The following UPF1 variants were observed in gnomAD, a reference collection of about 807,000 sequenced individuals.
UPF1 encodes UPF1 RNA helicase and ATPase.
Under a neutral mutation model 129.2 loss-of-function variants are expected in UPF1, and 9 were observed. The observed-to-expected ratio is 0.07, with a 90% CI of 0.04 to 0.12. UPF1 has a LOEUF of 0.12. Among genes scored for constraint, UPF1 ranks in the 10% least tolerant of loss-of-function variants. UPF1 has a pLI of 1.00. For missense variants in UPF1, 788 were observed against 1,525.3 expected, an observed-to-expected ratio of 0.52 and a Z score of 8.05; for synonymous variants, 649 against 644.9, an observed-to-expected ratio of 1.01 and a Z score of -0.10.
chr19:18,833,468 G>T (rs2055450567), intron 1 of UPF1, among the ~76,000 whole-genome samples: 1 of 152,042 alleles, frequency 6.6e-6, no homozygotes, highest in South Asian at 2.1e-4. Context: ...GTTTAGAGAA[G>T]GTTACTTAGG....
Position 18,853,234 on chromosome 19 carries a change from TCA to T in UPF1, c.1058-16_1058-15del, listed in dbSNP as rs769660767. On this transcript the variant is annotated splice_polypyrimidine_tract_variant and intron_variant, in intron 7 of 23. Transcript: ENST00000262803. The surrounding 1 kb of genome is among the most constrained non-coding windows in gnomAD (Gnocchi z 4.4). ...GCGTGGGTTAAAATGGCCACCTCTC[TCA>T]CTTTTTTACCTCAAGACATGCGGCT... 2.2e-5 allele frequency: 35 copies of T among 1,605,656 alleles called. No homozygotes were observed. The highest frequency in any genetic ancestry group is 2.8e-5 in the Non-Finnish European group (33 of 1,174,884).
chr19:18,859,423 C>A (rs1030738822), intron 15 of UPF1: 1 of 152,252 alleles, frequency 6.6e-6, no homozygotes, highest in Admixed American at 6.5e-5. Context: ...CCAGAACCAC[C>A]TGACCAGCTG....
At chr19:18,864,742 T>TTG (rs1555701078) in intron 20 of UPF1, among the ~76,000 whole-genome samples, 5 of 140,112 alleles carry the variant, frequency 3.6e-5, no homozygotes, top group South Asian at 2.4e-4. Flanking sequence ...TGTTTTTTTT[T>TTG]TTTTTTTTTT....
chr19:18,852,070 C>T (rs542770934), intron 5 of UPF1, 65 bp from the exon 6 acceptor site: 22 of 1,496,440 alleles, frequency 1.5e-5, no homozygotes, highest in East Asian at 1.3e-4. Context: ...GGTGCCTCTG[C>T]GCCCTCGTTC....
At position 18,832,540 on chromosome 19, in the gene UPF1, C is replaced by G. The variant is rs1442755759; in HGVS notation, c.231+100C>G. 1 of 891,278 alleles carries G rather than the reference C, an allele frequency of 1.1e-6. No individual in the cohort carries two copies. The highest frequency in any genetic ancestry group is 1.8e-5 in the African/African-American group (1 of 55,456). 55.2% of individuals were successfully genotyped at this position (891,278 alleles called of 1,614,324 possible). On this transcript the variant is annotated intron_variant, in intron 1 of 23. Transcript: ENST00000262803. This position sits in a 1 kb window ranked among gnomAD's most constrained non-coding sequence, Gnocchi z 5.6. ...GCCCGGCCTGTGTTTGGCCGGAGTC[C>G]CCCATCGCGGCCGGGCCTGGGGCGA... is the stretch of plus-strand genomic sequence containing the variant.
chr19:18,867,330 C>G lies in UPF1; in HGVS notation c.*813C>G, dbSNP rs2055863237. 6.6e-6 allele frequency: 1 copy of G among 152,278 alleles called. No individual in the cohort carries two copies. The highest frequency in any genetic ancestry group is 1.5e-5 in the Non-Finnish European group (1 of 68,054). The allele number at this position is 152,278 out of a possible 1,614,324, so 9.4% of individuals were successfully genotyped here. A position where few individuals can be genotyped will look rare whatever the true frequency, so the allele number is the denominator to read the frequency against. ...GCCGAGCCTGGAAGCTGCTCGTTCT[C>G]CGCTGGACTCAGAAGCCAAGCTGCT... On this transcript the variant is annotated 3_prime_UTR_variant, in exon 24 of 24. Transcript: ENST00000262803.
chr19:18,847,978 A>T, intron 3 of UPF1, 145 bp downstream of exon 3: 1 of 736,798 alleles, frequency 1.4e-6, no homozygotes, highest in South Asian at 1.7e-5. Context: ...GTTTAACTTG[A>T]AACAGATGGT....
In UPF1 at chr19:18,853,171, G is replaced by C. The variant is rs1162995323; in HGVS notation, c.1058-81G>C. 11 of 1,595,386 alleles carry C rather than the reference G, an allele frequency of 6.9e-6. No homozygotes were observed. Among genetic ancestry groups the C allele is most frequent in the Non-Finnish European group, 8.6e-6 (10 of 1,167,064 alleles). On this transcript the variant is annotated intron_variant, in intron 7 of 23. Coordinates refer to ENST00000262803, the MANE Select transcript of UPF1 (RefSeq NM_002911.4). This position sits in a 1 kb window ranked among gnomAD's most constrained non-coding sequence, Gnocchi z 4.4. ...AAATTCCTAGTTCCACCCTTGTAAA[G>C]TGCCCCTTAATTTGAACTCTCCCTG...
Position 18,855,360 on chromosome 19 carries a change from GT to G in UPF1, c.1544+119del, listed in dbSNP as rs1460028230. 4 of 1,113,470 alleles carry G rather than the reference GT, an allele frequency of 3.6e-6. No individual in the cohort carries two copies. The African/African-American group carries it at 6.2e-5, about 17-fold the overall frequency. 69.0% of individuals were successfully genotyped at this position (1,113,470 alleles called of 1,614,324 possible). A position where few individuals can be genotyped will look rare whatever the true frequency, so the allele number is the denominator to read the frequency against. On this transcript the variant is annotated intron_variant, in intron 11 of 23. Coordinates refer to ENST00000262803, the MANE Select transcript of UPF1 (RefSeq NM_002911.4). ...CACCGAAGAGAGCACGTGGCGGGTA[GT>G]GTCGCCATGGTGCCTACCGCTCTCT...
chr19:18,857,039 C>T lies in UPF1; in HGVS notation c.1968+19C>T. ...CAAGCAGGTGGGCTGCCTCCCCTGC[C>T]CTCCTGTGTGAAAACTCGTGTGTGT... On this transcript the variant is annotated intron_variant, in intron 14 of 23. Transcript: ENST00000262803. 4 of 1,599,102 alleles carry T rather than the reference C, an allele frequency of 2.5e-6. No individual in the cohort carries two copies. The highest frequency in any genetic ancestry group is 3.4e-6 in the Non-Finnish European group (4 of 1,172,672).
In UPF1 at chr19:18,860,343, T is replaced by G; in HGVS notation, c.2205T>G (p.Phe735Leu). 6.2e-7 allele frequency: 1 copy of G among 1,614,154 alleles called. No individual in the cohort carries two copies. Among genetic ancestry groups the G allele is most frequent in the Non-Finnish European group, 8.5e-7 (1 of 1,180,038 alleles). ...CAGCGGATCGTGTGAAGAAGGGATTTGACTTCCAGTGGCCCCAACCCGATA... is the reference window on the plus strand; with the variant it reads ...CAGCGGATCGTGTGAAGAAGGGATTGGACTTCCAGTGGCCCCAACCCGATA... Reference protein sequence around the residue: ...VTAADRVKKGFDFQWPQPDKP... With the variant: ...VTAADRVKKGLDFQWPQPDKP... Residue 735 changes from phenylalanine to leucine, a missense_variant, in exon 16 of 24, where the codon TTT (phenylalanine) becomes TTG (leucine). Phe to Leu is a conservative substitution (Grantham distance 22). Coordinates refer to ENST00000262803, the MANE Select transcript of UPF1 (RefSeq NM_002911.4).
At chr19:18,860,202 G>T in intron 15 of UPF1, 119 bp from the exon 16 acceptor site, 1 of 1,063,098 alleles carries the variant, frequency 9.4e-7, no homozygotes, top group Non-Finnish European at 1.4e-6. Context: ...CTCACAGATC[G>T]AAGTCTCCTG....
chr19:18,860,136 TGC>T, intron 15 of UPF1, 183 bp from the exon 16 acceptor site: 3 of 642,520 alleles, frequency 4.7e-6, no homozygotes, highest in Admixed American at 2.5e-5. Flanking sequence ...TCCTCAGCCT[TGC>T]CCAATCCTGG....
chr19:18,835,391 G>C (rs1212804858), intron 1 of UPF1, among the ~76,000 whole-genome samples: 1 of 151,970 alleles, frequency 6.6e-6, no homozygotes, highest in African/African-American at 2.4e-5. Context: ...GCCCAGGCTG[G>C]GGTGCAGTGG....
rs1472193352 is a variant in UPF1, at chr19:18,851,213, G to A, written c.810+345G>A. On this transcript the variant is annotated intron_variant, in intron 5 of 23. Transcript: ENST00000262803. This position sits in a 1 kb window ranked among gnomAD's most constrained non-coding sequence, Gnocchi z 4.2. Reference sequence around the variant, plus strand: ...AGAGCCTGAACCTGCCCAGACAGGTGGGCTGCGAGAATGTCCTGGGGAAAT... The same window carrying A: ...AGAGCCTGAACCTGCCCAGACAGGTAGGCTGCGAGAATGTCCTGGGGAAAT... 1 of 190,994 alleles carries A rather than the reference G, an allele frequency of 5.2e-6. No homozygotes were observed. Among genetic ancestry groups the A allele is most frequent in the Admixed American group, 5.7e-5 (1 of 17,620 alleles). The allele number at this position is 190,994 out of a possible 1,614,324, so 11.8% of individuals were successfully genotyped here. A position where few individuals can be genotyped will look rare whatever the true frequency, so the allele number is the denominator to read the frequency against.
At chr19:18,857,165 G>T in intron 14 of UPF1, 145 bp downstream of exon 14, 1 of 1,487,020 alleles carries the variant, frequency 6.7e-7, no homozygotes, top group Non-Finnish European at 9.1e-7. Flanking sequence ...TAGAGGGTGG[G>T]TTCTGCCAGC....
chr19:18,833,247 A>G (rs1170430390), intron 1 of UPF1: 2 of 152,228 alleles, frequency 1.3e-5, no homozygotes, highest in African/African-American at 2.4e-5. Context: ...ATGGAGGAGC[A>G]CATATTGGCT....
intron 1 of UPF1, among the ~76,000 whole-genome samples, chr19:18,840,692 G>A (rs1296046291): frequency 6.6e-6 from 1 of 152,234 alleles, no homozygotes; most frequent in Non-Finnish European, 1.5e-5. Flanking sequence ...GGGCTCCGGA[G>A]GGTTCATGGC....
chr19:18,838,764 T>C (rs73923168), intron 1 of UPF1, among the ~76,000 whole-genome samples: 4,555 of 152,308 alleles, frequency 0.03, 87 homozygotes, highest in East Asian at 0.1. Context: ...GGAGGAGTGT[T>C]GGCAAGTGTT....
Sources: allele counts gnomAD v4.1 joint callset (sites outside exome capture counted in the v4.1 genomes callset), GRCh38; gene constraint gnomAD v4.1.1; non-coding constraint Gnocchi (gnomAD v3.1); transcripts MANE v1.5; gene names NCBI Gene and HGNC (gene_info 2026-07-23, HGNC 2026-07-21).